Variants in BRI3 observed in about 807,000 individuals in gnomAD.
BRI3 encodes the protein membrane protein BRI3.
Under a neutral mutation model 12.8 loss-of-function variants are expected in BRI3, and 6 were observed. The ratio of observed to expected loss-of-function variants is 0.47; its 90% CI spans 0.26 to 0.93. The LOEUF (loss-of-function observed/expected upper bound fraction) is 0.93. Among genes scored for constraint, BRI3 ranks in the 40% least tolerant of loss-of-function variants. The probability of loss-of-function intolerance (pLI) is 0.15; values close to 1 mark genes in which losing one functional copy is unlikely to be tolerated. For synonymous variants in BRI3, 91 were observed against 76.1 expected (o/e 1.20, Z -1.02); for missense variants, 134 against 171.1 (o/e 0.78, Z 1.21).
At chr7:98,291,587 C>A, downstream of BRI3, 1 of 1,042,854 alleles carries the variant, frequency 9.6e-7, no homozygotes, top group Non-Finnish European at 1.2e-6. Context: ...ACGACACCCC[C>A]ATCGCTCCCC....
upstream of BRI3, among the ~76,000 whole-genome samples, chr7:98,305,626 T>C (rs1800626952): frequency 2.6e-5 from 4 of 152,156 alleles, no homozygotes. Flanking sequence ...TCTTGCTATG[T>C]TGCGCAGGCT....
At chr7:98,282,042 GGA>G (rs1167949987) in intron 1 of BRI3, 105 bp downstream of exon 1, 6 of 1,299,648 alleles carry the variant, frequency 4.6e-6, no homozygotes, top group Non-Finnish European at 5.9e-6. Flanking sequence ...GGTCCTTCCT[GGA>G]GCTGGAGGTC....
downstream of BRI3, chr7:98,292,844 A>C: frequency 6.9e-7 from 1 of 1,443,970 alleles, no homozygotes. Flanking sequence ...TCCGTTGGCG[A>C]CTCCTAACTA....
chr7:98,293,656 AC>A, downstream of BRI3: 1 of 1,524,518 alleles, frequency 6.6e-7, no homozygotes, highest in Non-Finnish European at 9.1e-7. Context: ...CTGGATTTTA[AC>A]AGTGCTAATA....
At chr7:98,292,361 A>C (rs954021416), downstream of BRI3, 4 of 421,212 alleles carry the variant, frequency 9.5e-6, no homozygotes. Context: ...GGCGCCCACC[A>C]CCACACCTGT....
chr7:98,303,542 CTTCCT>C (rs543152229), upstream of BRI3, among the ~76,000 whole-genome samples: 65 of 152,306 alleles, frequency 4.3e-4, no homozygotes, highest in African/African-American at 1.3e-3. Flanking sequence ...TTATTGTCTG[CTTCCT>C]ATCACTAGAA....
At chr7:98,308,657 G>T in exon 2 of BRI3, 1 of 226,166 alleles carries the variant, frequency 4.4e-6, no homozygotes. Flanking sequence ...GGGGAAAAAA[G>T]GTAGAAAAAA....
chr7:98,288,944 G>A (rs1189534097), intron 2 of BRI3, among the ~76,000 whole-genome samples: 1 of 152,002 alleles, frequency 6.6e-6, no homozygotes, highest in African/African-American at 2.4e-5. Flanking sequence ...GGAGGCAGGT[G>A]GGCATGAAGT....
chr7:98,321,245 C>T, the BRI3 span, among the ~76,000 whole-genome samples: 1 of 152,212 alleles, frequency 6.6e-6, no homozygotes, highest in African/African-American at 2.4e-5. Flanking sequence ...CAAATGATTA[C>T]TTCGGTCATC....
At chr7:98,315,253 C>G (rs1801030367), downstream of BRI3, among the ~76,000 whole-genome samples, 1 of 152,126 alleles carries the variant, frequency 6.6e-6, no homozygotes, top group African/African-American at 2.4e-5. Context: ...TCCTGAGTAG[C>G]TGGGACTACA....
upstream of BRI3, among the ~76,000 whole-genome samples, chr7:98,304,645 T>C (rs1800565709): frequency 6.6e-6 from 1 of 152,110 alleles, no homozygotes; most frequent in African/African-American, 2.4e-5. Flanking sequence ...CCTTCTAGGT[T>C]TAAGTGATTC....
downstream of BRI3, among the ~76,000 whole-genome samples, chr7:98,311,555 T>TA (rs561706030): frequency 6.3e-3 from 877 of 139,890 alleles, 7 homozygotes; most frequent in Non-Finnish European, 7.8e-3. Context: ...ACAAAAAAAA[T>TA]AAAAAAAAAA....
At chr7:98,318,325 T>C in the BRI3 span, among the ~76,000 whole-genome samples, 86 of 152,232 alleles carry the variant, frequency 5.6e-4, no homozygotes, top group Non-Finnish European at 1.0e-3. Context: ...CCAAAGCACT[T>C]AGCCACCAAG....
At chr7:98,289,590 A>G (rs370938476) in intron 2 of BRI3, among the ~76,000 whole-genome samples, 13 of 152,260 alleles carry the variant, frequency 8.5e-5, no homozygotes, top group African/African-American at 3.1e-4. Context: ...AGGTCCCATC[A>G]TCTATCAGAC....
At chr7:98,317,253 C>T in the BRI3 span, 3 of 1,614,222 alleles carry the variant, frequency 1.9e-6, no homozygotes, top group Non-Finnish European at 1.7e-6. Flanking sequence ...GAGTGCGTTT[C>T]GGCTTCCTTG....
exon 1 of BRI3, chr7:98,306,535 A>G: frequency 1.2e-6 from 2 of 1,614,080 alleles, no homozygotes; most frequent in Non-Finnish European, 1.7e-6. Context: ...AAAGAGGGAG[A>G]AAAGACCCTA....
the BRI3 span, among the ~76,000 whole-genome samples, chr7:98,316,403 G>C: frequency 6.6e-6 from 1 of 152,174 alleles, no homozygotes; most frequent in South Asian, 2.1e-4. Context: ...TGATCATGGA[G>C]AGTCCCTTCT....
At chr7:98,282,553 C>T (rs1340168417) in intron 2 of BRI3, 100 bp downstream of exon 2, 3 of 975,720 alleles carry the variant, frequency 3.1e-6, no homozygotes, top group Admixed American at 2.2e-5. Flanking sequence ...GTGGGTCCGG[C>T]TTGACTTGGA....
At chr7:98,287,916 G>A (rs1186917940) in intron 2 of BRI3, among the ~76,000 whole-genome samples, 7 of 152,136 alleles carry the variant, frequency 4.6e-5, no homozygotes, top group Non-Finnish European at 1.0e-4. Context: ...AGGCATCTCT[G>A]GGCCTTTGAA....
Sources: allele counts gnomAD v4.1 joint callset (sites outside exome capture counted in the v4.1 genomes callset), GRCh38; gene constraint gnomAD v4.1.1; transcripts MANE v1.5; gene names NCBI Gene and HGNC (gene_info 2026-07-23, HGNC 2026-07-21).